EVC2: variants seen among roughly 807,000 people sequenced by gnomAD.
The protein encoded by EVC2 is limbin.
In EVC2, 148 loss-of-function variants were observed where a neutral mutation model predicts 149.3. The ratio of observed to expected loss-of-function variants is 0.99; its 90% CI spans 0.87 to 1.14. The LOEUF (loss-of-function observed/expected upper bound fraction) is 1.14, where lower values mean the gene tolerates loss of function less well. Ranked by LOEUF, EVC2 falls within the 50% of genes most tolerant of loss-of-function variation. The pLI is 0.00. For missense variants in EVC2, 1,854 were observed against 1,627.3 expected, an observed-to-expected ratio of 1.14 and a Z score of -2.40; for synonymous variants, 776 against 649.9, an observed-to-expected ratio of 1.19 and a Z score of -2.95.
intron 16 of EVC2, among the ~76,000 whole-genome samples, chr4:5,594,482 G>A (rs2108801295): frequency 6.6e-6 from 1 of 152,320 alleles, no homozygotes; most frequent in African/African-American, 2.4e-5. Context: ...TGGACCTCTA[G>A]CAAACTCCAA....
rs564200026 is a variant in EVC2 at position 5,623,680 on chromosome 4, T to C, written c.2047-689A>G. Among the ~76,000 whole-genome samples, 7 of 152,304 alleles carry C rather than the reference T, an allele frequency of 4.6e-5. 2 individuals carry two copies. The South Asian group carries it at 1.0e-3, about 23-fold the overall frequency. On this transcript the variant is annotated intron_variant, in intron 13 of 21. Coordinates refer to ENST00000344408, the MANE Select transcript of EVC2 (RefSeq NM_147127.5). ...TAAAAAAAATACGGTAGAATCCCTA[T>C]GTGTTCACCATTCACTGAACATGTA...
rs1297560481 is a variant in EVC2 at position 5,631,982 on chromosome 4, C to G, written c.1521G>C (p.Gln507His). The G allele has an allele frequency of 6.2e-7, 1 of 1,614,086 alleles. No individual in the cohort carries two copies. The highest frequency in any genetic ancestry group is 8.5e-7 in the Non-Finnish European group (1 of 1,180,046). The change falls in exon 11 of 22, where the codon CAG (glutamine) becomes CAC (histidine). Residue 507 changes from glutamine (Q) to histidine (H), a missense_variant. Physicochemically the swap from Gln to His is conservative, Grantham distance 24. Coordinates refer to ENST00000344408, the MANE Select transcript of EVC2 (RefSeq NM_147127.5). ...AAGCGAGAGACTTCCTCAAGTGCTC[C>G]TGTTCCAGGCCATGGAGGGTCCGCA... ...NLLRTLHGLEQEHLRKSLALQ... is the reference protein window; with the variant it reads ...NLLRTLHGLEHEHLRKSLALQ...
At position 5,622,715 on chromosome 4, in the gene EVC2, G is replaced by T; in HGVS notation, c.2323C>A (p.Gln775Lys). The change falls in exon 14 of 22, where the codon CAG (glutamine) becomes AAG (lysine). Residue 775 changes from glutamine to lysine, a missense_variant. Gln to Lys is a moderately conservative substitution (Grantham distance 53, BLOSUM62 1). Coordinates refer to ENST00000344408, the MANE Select transcript of EVC2 (RefSeq NM_147127.5). This position sits in a 1 kb window ranked among gnomAD's most constrained non-coding sequence, Gnocchi z 5.8. ...TCCTTGCCGTGCTCCTCCAGGATCT[G>T]CTGCAGGAAGAGCCAGGGCACCCCA... is the stretch of plus-strand genomic sequence containing the variant. ...KRGVPWLFLQ[Q>K]ILEEHGKEMA... 1.2e-6 allele frequency: 2 copies of T among 1,614,024 alleles called. No individual in the cohort carries two copies. Among genetic ancestry groups the T allele is most frequent in the Non-Finnish European group, 1.7e-6 (2 of 1,180,006 alleles).
chr4:5,550,828 G>C (rs1165598154), intron 21 of EVC2, among the ~76,000 whole-genome samples: 2 of 152,236 alleles, frequency 1.3e-5, no homozygotes, highest in Non-Finnish European at 2.9e-5. Context: ...GCAGCCTAGG[G>C]ACTTGGTGCC....
At chr4:5,584,919 A>G (rs1473398889) in intron 16 of EVC2, 69 bp from the exon 17 acceptor site, 14 of 1,530,510 alleles carry the variant, frequency 9.1e-6, no homozygotes, top group Non-Finnish European at 1.2e-5. Context: ...GAGAACAAAC[A>G]GCCTTTCAGA....
Position 5,636,387 on chromosome 4 carries a change from C to T in EVC2, c.1470+4127G>A, listed in dbSNP as rs1296269577. Reference sequence around the variant, plus strand: ...GTGGGTTCTGCATCCATAAATATAACCACCTGCAGGTCAAAAATTTCTGTG... The same window carrying T: ...GTGGGTTCTGCATCCATAAATATAATCACCTGCAGGTCAAAAATTTCTGTG... On this transcript the variant is annotated intron_variant, in intron 10 of 21. Transcript: ENST00000344408. The surrounding 1 kb of genome is among the most constrained non-coding windows in gnomAD (Gnocchi z 4.6). Among the ~76,000 whole-genome samples, 3 of 152,192 alleles carry T rather than the reference C, an allele frequency of 2.0e-5. No individual in the cohort carries two copies. The highest frequency in any genetic ancestry group is 4.4e-5 in the Non-Finnish European group (3 of 68,034).
At position 5,615,520 on chromosome 4, in the gene EVC2, G is replaced by A. The variant is rs933706106; in HGVS notation, c.2731C>T (p.Arg911Trp). ...LQQQSKVRKS[R>W]SKSKSKGELL... ...TCTCCCTTGCTTTTACTCTTGGACC[G>A]TGACTTTCTCACCTTGGACTGTTGC... Residue 911 changes from arginine (R) to tryptophan (W), a missense_variant, in exon 16 of 22, where the codon CGG becomes TGG. Arg to Trp is a moderately radical substitution (Grantham distance 101). Coordinates refer to ENST00000344408, the MANE Select transcript of EVC2 (RefSeq NM_147127.5). 2.3e-5 allele frequency: 37 copies of A among 1,614,048 alleles called. No individual in the cohort carries two copies. Among genetic ancestry groups the A allele is most frequent in the Non-Finnish European group, 2.7e-5 (32 of 1,180,044 alleles).
chr4:5,603,430 G>A (rs915898740), intron 16 of EVC2, among the ~76,000 whole-genome samples: 1 of 152,252 alleles, frequency 6.6e-6, no homozygotes, highest in Middle Eastern at 3.4e-3. Flanking sequence ...CTTTCAACAT[G>A]CCTTCTTTTC....
rs182310332 is a variant in EVC2 at position 5,584,632 on chromosome 4, C to T, written c.3048G>A (p.Ser1016=). The T allele has an allele frequency of 2.0e-5, 33 of 1,612,846 alleles. No individual in the cohort carries two copies. Among genetic ancestry groups the T allele is most frequent in the East Asian group, 8.9e-5 (4 of 44,810 alleles). ...CAGCGCCTGCACTCACCCGGCTGTGCGACTCCAGGATCTGTGTGCAGGCCG... is the reference window on the plus strand; with the variant it reads ...CAGCGCCTGCACTCACCCGGCTGTGTGACTCCAGGATCTGTGTGCAGGCCG... ...TKSACTQILE[S]HSRELQELER... is the part of the protein sequence containing the mutation. Residue 1016 remains serine (S), a synonymous_variant, in exon 17 of 22, where the codon TCG becomes TCA. Transcript: ENST00000344408.
chr4:5,672,563 C>A (rs1350018357), intron 7 of EVC2, among the ~76,000 whole-genome samples: 1 of 152,166 alleles, frequency 6.6e-6, no homozygotes, highest in Non-Finnish European at 1.5e-5. Context: ...GGGGGTTCAA[C>A]TCTTAGATCC....
At chr4:5,621,876 C>A (rs569325254) in intron 14 of EVC2, among the ~76,000 whole-genome samples, 1 of 152,230 alleles carries the variant, frequency 6.6e-6, no homozygotes, top group South Asian at 2.1e-4. Context: ...TAAACATATC[C>A]ATTATTTTCT....
In EVC2 at chr4:5,686,269, ACTAGTCTCGAACTCCCAGG is replaced by A. The variant is rs1223904518; in HGVS notation, c.707-809_707-791del. On this transcript the variant is annotated intron_variant, in intron 5 of 21. Coordinates refer to ENST00000344408, the MANE Select transcript of EVC2 (RefSeq NM_147127.5). The surrounding 1 kb of genome is among the most constrained non-coding windows in gnomAD (Gnocchi z 5.4). ...GACAGGCTCTCTCTATGTTGCCCAGACTAGTCTCGAACTCCCAGGCTCCAGTGATCCTCCTGCCTCAGCC... is the reference window on the plus strand; with the variant it reads ...GACAGGCTCTCTCTATGTTGCCCAGACTCCAGTGATCCTCCTGCCTCAGCC... Among the ~76,000 whole-genome samples, 1 of 151,894 alleles carries A rather than the reference ACTAGTCTCGAACTCCCAGG, an allele frequency of 6.6e-6. No individual in the cohort carries two copies. The highest frequency in any genetic ancestry group is 2.4e-5 in the African/African-American group (1 of 41,334).
chr4:5,685,733 C>T (rs1720659394), intron 5 of EVC2, among the ~76,000 whole-genome samples: 1 of 152,320 alleles, frequency 6.6e-6, no homozygotes, highest in Admixed American at 6.5e-5. Flanking sequence ...TTTCCATTCA[C>T]GAGTGGGGGT....
intron 16 of EVC2, among the ~76,000 whole-genome samples, chr4:5,595,747 T>C (rs1349897959): frequency 6.6e-6 from 1 of 152,202 alleles, no homozygotes; most frequent in East Asian, 1.9e-4. Context: ...ATGGACTAAA[T>C]ACTCCAATTA....
chr4:5,654,442 C>A (rs1404410473), intron 9 of EVC2, among the ~76,000 whole-genome samples: 1 of 152,184 alleles, frequency 6.6e-6, no homozygotes. Context: ...GACGCCTCTC[C>A]CTTGCATTTA....
Position 5,585,126 on chromosome 4 carries a change from T to A in EVC2, c.2830-276A>T, listed in dbSNP as rs193082917. On this transcript the variant is annotated intron_variant, in intron 16 of 21. Transcript: ENST00000344408. ...CCATTGCTCTCCTTCTGAAAACACT[T>A]CTAAGTCTCTCCATGTCCTAGAGGA... Among the ~76,000 whole-genome samples, 365 of 152,194 alleles carry A rather than the reference T, an allele frequency of 2.4e-3. 5 individuals are homozygous for A. The highest frequency in any genetic ancestry group is 7.9e-3 in the African/African-American group (328 of 41,530).
downstream of EVC2, among the ~76,000 whole-genome samples, chr4:5,561,214 T>C (rs28376197): frequency 0.017 from 2,629 of 152,274 alleles, 66 homozygotes; most frequent in African/African-American, 0.057. Flanking sequence ...GAGAAGAACA[T>C]AGATGTGGTG....
At chr4:5,650,888 C>T (rs985477291) in intron 9 of EVC2, among the ~76,000 whole-genome samples, 1 of 152,182 alleles carries the variant, frequency 6.6e-6, no homozygotes, top group Non-Finnish European at 1.5e-5. Context: ...AAGCACTTAG[C>T]CCAGTCTCTG....
chr4:5,638,401 A>AC (rs1359242624), intron 10 of EVC2, among the ~76,000 whole-genome samples: 4 of 151,824 alleles, frequency 2.6e-5, no homozygotes, highest in Non-Finnish European at 4.4e-5. Flanking sequence ...AAAACAAAAA[A>AC]AAAAAAATTG....
Sources: allele counts gnomAD v4.1 joint callset (sites outside exome capture counted in the v4.1 genomes callset), GRCh38; gene constraint gnomAD v4.1.1; non-coding constraint Gnocchi (gnomAD v3.1); transcripts MANE v1.5; gene names NCBI Gene and HGNC (gene_info 2026-07-23, HGNC 2026-07-21).